The following TBC1D5 variants were observed in gnomAD, a reference collection of about 807,000 sequenced individuals.
TBC1D5 encodes the protein TBC1 domain family member 5.
Under a neutral mutation model 100.3 loss-of-function variants are expected in TBC1D5, and 75 were observed. That is an observed-to-expected ratio of 0.75 (90% CI 0.62 to 0.91). TBC1D5 has a LOEUF of 0.91. Among genes scored for constraint, TBC1D5 ranks in the 40% least tolerant of loss-of-function variants. The pLI is 0.00. For synonymous variants in TBC1D5, 323 were observed against 325.6 expected (o/e 0.99, Z 0.09); for missense variants, 910 against 942.4 (o/e 0.97, Z 0.45).
intron 8 of TBC1D5, among the ~76,000 whole-genome samples, chr3:17,389,057 C>T (rs1391522166): frequency 6.6e-6 from 1 of 152,128 alleles, no homozygotes; most frequent in Non-Finnish European, 1.5e-5. Context: ...GATATTATCT[C>T]TTAAGATTCC....
intron 3 of TBC1D5, among the ~76,000 whole-genome samples, chr3:17,468,734 C>T (rs1174452336): frequency 6.6e-6 from 1 of 152,156 alleles, no homozygotes; most frequent in Admixed American, 6.5e-5. Flanking sequence ...AGCCCTGTCT[C>T]ACCAAATCAA....
intron 3 of TBC1D5, among the ~76,000 whole-genome samples, chr3:17,505,100 G>T (rs1262904844): frequency 6.6e-6 from 1 of 152,090 alleles, no homozygotes; most frequent in Non-Finnish European, 1.5e-5. Context: ...TAGAAAGCAA[G>T]CTTTGAAACA....
intron 13 of TBC1D5, among the ~76,000 whole-genome samples, chr3:17,327,546 A>G (rs558559743): frequency 2.7e-4 from 41 of 152,218 alleles, no homozygotes; most frequent in African/African-American, 9.4e-4. Context: ...TGTACTTGCA[A>G]TGCCATCTGC....
chr3:17,276,732 GCTT>G (rs1288193819), intron 15 of TBC1D5, among the ~76,000 whole-genome samples: 4 of 152,160 alleles, frequency 2.6e-5, no homozygotes, highest in East Asian at 1.9e-4. Context: ...CACCAAATGT[GCTT>G]CTTCTTCTTT....
chr3:17,668,814 T>C (rs182700528), intron 1 of TBC1D5, among the ~76,000 whole-genome samples: 14 of 152,208 alleles, frequency 9.2e-5, no homozygotes, highest in African/African-American at 3.4e-4. Context: ...CTAGACAACT[T>C]TCCTCCCCAC....
At chr3:17,655,312 G>C (rs1175460168) in intron 1 of TBC1D5, among the ~76,000 whole-genome samples, 1 of 120,796 alleles carries the variant, frequency 8.3e-6, no homozygotes, top group Admixed American at 9.6e-5. Flanking sequence ...GTTGTGGGGT[G>C]GGGGGAGGGG....
Position 17,372,061 on chromosome 3 carries a change from ACTTTAATACTT to A in TBC1D5, c.995+3_995+13del. On this transcript the variant is annotated splice_donor_5th_base_variant and intron_variant, in intron 13 of 21. Transcript: ENST00000253692. ...CAAAAAACAAACAAACAAACAAAGA[ACTTTAATACTT>A]ACAACCCATATATCTGTGGTGCAAT... 2.5e-6 allele frequency: 4 copies of A among 1,593,560 alleles called. No individual in the cohort carries two copies. Among genetic ancestry groups the A allele is most frequent in the Non-Finnish European group, 2.6e-6 (3 of 1,169,552 alleles).
At chr3:17,468,723 C>A (rs879554948) in intron 3 of TBC1D5, among the ~76,000 whole-genome samples, 1 of 152,104 alleles carries the variant, frequency 6.6e-6, no homozygotes, top group Non-Finnish European at 1.5e-5. Flanking sequence ...GTAGAGAATC[C>A]AGCCCTGTCT....
chr3:17,267,238 TGTTATTTATATATATGGAAA>T (rs1205415556), intron 15 of TBC1D5, among the ~76,000 whole-genome samples: 1 of 152,158 alleles, frequency 6.6e-6, no homozygotes, highest in Non-Finnish European at 1.5e-5. Context: ...ACCCTCAGTT[TGTTATTTATATATATGGAAA>T]GTAGGAGTTT....
At chr3:17,740,422 C>T (rs934545014) in exon 1 of TBC1D5, 2 of 151,690 alleles carry the variant, frequency 1.3e-5, no homozygotes, top group African/African-American at 4.8e-5. Flanking sequence ...TCATAAATAT[C>T]AAAGGACTGG....
In TBC1D5 at chr3:17,701,034, T is replaced by A. The variant is rs139094802; in HGVS notation, c.-101+38309A>T. ...TACTATAAAGACACATGCATACGTATGTTTATTGTAGCACTATTCACAATA... is the reference window on the plus strand; with the variant it reads ...TACTATAAAGACACATGCATACGTAAGTTTATTGTAGCACTATTCACAATA... On this transcript the variant is annotated intron_variant, in intron 1 of 21. Coordinates refer to ENST00000253692, the Ensembl canonical transcript of TBC1D5. Among the ~76,000 whole-genome samples the A allele has an allele frequency of 3.5e-3, 531 of 152,270 alleles. 6 individuals carry two copies. The highest frequency in any genetic ancestry group is 0.024 in the East Asian group (125 of 5,182).
At chr3:17,686,912 T>C (rs2070366978) in intron 1 of TBC1D5, among the ~76,000 whole-genome samples, 2 of 152,046 alleles carry the variant, frequency 1.3e-5, no homozygotes, top group Non-Finnish European at 2.9e-5. Context: ...CCTAAAATGT[T>C]AGTAGTGATG....
intron 17 of TBC1D5, among the ~76,000 whole-genome samples, chr3:17,222,735 T>C (rs911189658): frequency 1.3e-5 from 2 of 151,984 alleles, no homozygotes; most frequent in African/African-American, 2.4e-5. Flanking sequence ...ATCCTGCTTA[T>C]GGGATTTTTT....
At chr3:17,485,889 T>C (rs886971583) in intron 3 of TBC1D5, among the ~76,000 whole-genome samples, 1 of 152,150 alleles carries the variant, frequency 6.6e-6, no homozygotes, top group African/African-American at 2.4e-5. Flanking sequence ...ATGGTATTTC[T>C]AGTTCTAGAT....
At chr3:17,396,636 A>G (rs1006055382) in intron 8 of TBC1D5, among the ~76,000 whole-genome samples, 1 of 152,130 alleles carries the variant, frequency 6.6e-6, no homozygotes, top group Non-Finnish European at 1.5e-5. Flanking sequence ...GAATATGCTT[A>G]ACATAGAAAA....
At chr3:17,672,044 C>T (rs750831616) in intron 1 of TBC1D5, among the ~76,000 whole-genome samples, 8 of 152,198 alleles carry the variant, frequency 5.3e-5, no homozygotes, top group Admixed American at 2.0e-4. Context: ...TATAAGCCAG[C>T]TTCAAGCTGT....
At chr3:17,165,945 C>A (rs970982692) in intron 21 of TBC1D5, among the ~76,000 whole-genome samples, 1 of 152,064 alleles carries the variant, frequency 6.6e-6, no homozygotes, top group Non-Finnish European at 1.5e-5. Flanking sequence ...TGTCCTCTGG[C>A]CTTCATTTTC....
At chr3:17,480,766 T>C (rs1229766669) in intron 3 of TBC1D5, among the ~76,000 whole-genome samples, 1 of 152,088 alleles carries the variant, frequency 6.6e-6, no homozygotes, top group African/African-American at 2.4e-5. Context: ...TGGACACTAA[T>C]CAGGATGACC....
chr3:17,347,513 G>A (rs1202716366), intron 13 of TBC1D5, among the ~76,000 whole-genome samples: 1 of 151,978 alleles, frequency 6.6e-6, no homozygotes, highest in Non-Finnish European at 1.5e-5. Context: ...TTATTGACAA[G>A]TTACCTAAAA....
Sources: gnomAD v4.1 joint callset for allele counts (sites outside exome capture counted in the v4.1 genomes callset) on GRCh38, gnomAD v4.1.1 for gene constraint, MANE v1.5 for transcripts, NCBI Gene and HGNC (gene_info 2026-07-23, HGNC 2026-07-21) for gene names.